The following NR3C2 variants were observed in gnomAD, a reference collection of about 807,000 sequenced individuals.
NR3C2 encodes the protein mineralocorticoid receptor.
In NR3C2, 15 loss-of-function variants were observed where a neutral mutation model predicts 86.4. The observed-to-expected ratio is 0.17, with a 90% CI of 0.12 to 0.27. The LOEUF (loss-of-function observed/expected upper bound fraction) is 0.27, where lower values mean the gene tolerates loss of function less well. Among genes scored for constraint, NR3C2 ranks in the 10% least tolerant of loss-of-function variants. The pLI is 1.00. For synonymous variants in NR3C2, 458 were observed against 450.5 expected, an observed-to-expected ratio of 1.02 and a Z score of -0.21; for missense variants, 960 against 1,195.6, an observed-to-expected ratio of 0.80 and a Z score of 2.91.
At chr4:148,194,629 A>G (rs1206802856) in intron 4 of NR3C2, 117 bp downstream of exon 4, 1 of 708,206 alleles carries the variant, frequency 1.4e-6, no homozygotes, top group African/African-American at 1.8e-5. Flanking sequence ...AACTCATCAG[A>G]TTTTCAGAAA....
chr4:148,128,035 G>A (rs977017073), intron 6 of NR3C2, among the ~76,000 whole-genome samples: 5 of 152,140 alleles, frequency 3.3e-5, no homozygotes, highest in African/African-American at 1.2e-4. Flanking sequence ...GAGAATTTGG[G>A]GTTAGAAATG....
intron 2 of NR3C2, among the ~76,000 whole-genome samples, chr4:148,326,113 G>A (rs1021675118): frequency 1.6e-4 from 24 of 151,998 alleles, no homozygotes; most frequent in African/African-American, 5.1e-4. Context: ...TTTTTGGGCC[G>A]GGTGCAGTGG....
intron 6 of NR3C2, among the ~76,000 whole-genome samples, chr4:148,137,307 C>G (rs144363237): frequency 1.2e-3 from 175 of 152,164 alleles, no homozygotes; most frequent in African/African-American, 4.1e-3. Context: ...GACCTGAGGC[C>G]CATCTCTCAG....
Position 148,154,817 on chromosome 4 carries a change from G to T in NR3C2, c.2099C>A (p.Pro700His). 4 of 1,587,170 alleles carry T rather than the reference G, an allele frequency of 2.5e-6. No homozygotes were observed. The highest frequency in any genetic ancestry group is 3.4e-6 in the Non-Finnish European group (4 of 1,165,726). ...TGTCCCTTCCTCTGGGCTTTGCGGG[G>T]GTGGGGGTGGGGGTGGGGGCTGCTG... ...QQQQPPPPPP[P>H]PQSPEEGTTY... The change falls in exon 5 of 9, where the codon CCC becomes CAC. Residue 700 changes from proline to histidine, a missense_variant. By Grantham distance (77) the Pro-to-His change is moderately conservative. This residue lies in a region of NR3C2 where 82 missense variants were observed against 73.0 expected (regional missense o/e 1.12). Transcript: ENST00000358102.
chr4:148,270,228 C>A (rs1237932667), intron 2 of NR3C2, among the ~76,000 whole-genome samples: 1 of 152,042 alleles, frequency 6.6e-6, no homozygotes, highest in Non-Finnish European at 1.5e-5. Context: ...TAGTGTTTTT[C>A]CTCACATTGT....
intron 6 of NR3C2, among the ~76,000 whole-genome samples, chr4:148,122,930 G>T (rs1206799376): frequency 6.6e-6 from 1 of 152,152 alleles, no homozygotes. Flanking sequence ...GATTTTTAGG[G>T]AACAAGGGAA....
At chr4:148,090,197 A>G (rs1393953743) in intron 8 of NR3C2, among the ~76,000 whole-genome samples, 2 of 152,210 alleles carry the variant, frequency 1.3e-5, no homozygotes, top group African/African-American at 4.8e-5. Context: ...AGATCTCTCA[A>G]GGCGTCTGTG....
Position 148,099,727 on chromosome 4 carries a change from G to T in NR3C2, c.2799+14377C>A, listed in dbSNP as rs571952968. ...GAAGAGGGATTTGAGCTGCATAGGA[G>T]CGGGGGATTTATTGACACAGGTGTT... is the stretch of plus-strand genomic sequence containing the variant. On this transcript the variant is annotated intron_variant, in intron 8 of 8. Transcript: ENST00000358102. 3.3e-5 allele frequency among the ~76,000 whole-genome samples: 5 copies of T among 152,302 alleles called. No individual in the cohort carries two copies. In the South Asian group the frequency reaches 8.3e-4, roughly 25 times the overall value.
intron 2 of NR3C2, among the ~76,000 whole-genome samples, chr4:148,323,667 T>C (rs1343941844): frequency 1.3e-5 from 2 of 152,262 alleles, no homozygotes; most frequent in Non-Finnish European, 2.9e-5. Context: ...CACCCCTTTC[T>C]TTGACTCGGA....
At chr4:148,379,262 A>T (rs1160598643) in intron 2 of NR3C2, among the ~76,000 whole-genome samples, 11 of 148,468 alleles carry the variant, frequency 7.4e-5, no homozygotes, top group African/African-American at 2.5e-4. Context: ...TTTTTTTTTT[A>T]AATACCAGAA....
rs1171554799 is a variant in NR3C2 at position 148,079,870 on chromosome 4, T to G, written c.*1474A>C. 6.6e-6 allele frequency: 1 copy of G among 152,508 alleles called. No homozygotes were observed. Among genetic ancestry groups the G allele is most frequent in the African/African-American group, 2.4e-5 (1 of 41,452 alleles). The allele number at this position is 152,508 out of a possible 1,614,324, so 9.4% of individuals were successfully genotyped here. A position where few individuals can be genotyped will look rare whatever the true frequency, so the allele number is the denominator to read the frequency against. On this transcript the variant is annotated 3_prime_UTR_variant, in exon 9 of 9. Coordinates refer to ENST00000358102, the MANE Select transcript of NR3C2 (RefSeq NM_000901.5). Reference sequence around the variant, plus strand: ...TGGGCCGTCCCAGCGCATCCTGCCATGATCTGTGCGTTCCTGTGACCGGTT... The same window carrying G: ...TGGGCCGTCCCAGCGCATCCTGCCAGGATCTGTGCGTTCCTGTGACCGGTT...
chr4:148,232,323 G>A (rs929709177), intron 3 of NR3C2, among the ~76,000 whole-genome samples: 7 of 152,222 alleles, frequency 4.6e-5, no homozygotes, highest in Non-Finnish European at 8.8e-5. Context: ...CAGAATGGAT[G>A]TGTGTTAGCA....
chr4:148,429,886 T>G (rs1323427001), intron 2 of NR3C2, among the ~76,000 whole-genome samples: 1 of 152,198 alleles, frequency 6.6e-6, no homozygotes, highest in Non-Finnish European at 1.5e-5. Flanking sequence ...ATATATTATT[T>G]AGCAGTGGGG....
At chr4:148,169,438 G>C (rs1470029501) in intron 4 of NR3C2, among the ~76,000 whole-genome samples, 2 of 151,704 alleles carry the variant, frequency 1.3e-5, no homozygotes, top group Non-Finnish European at 2.9e-5. Context: ...TTTGGGAAAG[G>C]AACCCTGTAA....
intron 2 of NR3C2, among the ~76,000 whole-genome samples, chr4:148,336,712 C>T (rs548263447): frequency 6.6e-6 from 1 of 152,172 alleles, no homozygotes; most frequent in East Asian, 1.9e-4. Flanking sequence ...TCTTACATAG[C>T]CTAGTTTGTG....
intron 2 of NR3C2, among the ~76,000 whole-genome samples, chr4:148,342,021 C>T (rs1486628781): frequency 2.6e-5 from 4 of 152,140 alleles, no homozygotes; most frequent in Non-Finnish European, 5.9e-5. Flanking sequence ...GTCTCTTCTG[C>T]TGCCCTCTTC....
At chr4:148,138,052 C>T (rs1733428341) in intron 6 of NR3C2, among the ~76,000 whole-genome samples, 1 of 152,082 alleles carries the variant, frequency 6.6e-6, no homozygotes, top group Non-Finnish European at 1.5e-5. Context: ...ATATAACTTA[C>T]ATAAAGAAAA....
At chr4:148,271,173 T>C (rs931882015) in intron 2 of NR3C2, among the ~76,000 whole-genome samples, 3 of 152,208 alleles carry the variant, frequency 2.0e-5, no homozygotes, top group Non-Finnish European at 4.4e-5. Flanking sequence ...TCTCCACGAA[T>C]TTGAGCTGTT....
chr4:148,175,191 C>A (rs1000086403), intron 4 of NR3C2, among the ~76,000 whole-genome samples: 1 of 151,982 alleles, frequency 6.6e-6, no homozygotes, highest in African/African-American at 2.4e-5. Flanking sequence ...CACAAAAAAA[C>A]AACTAAAGGC....
Sources: gnomAD v4.1 joint callset for allele counts (sites outside exome capture counted in the v4.1 genomes callset) on GRCh38, gnomAD v4.1.1 for gene constraint, gnomAD v4.1.1 regional missense constraint, MANE v1.5 for transcripts, NCBI Gene and HGNC (gene_info 2026-07-23, HGNC 2026-07-21) for gene names.